CHID1: variants seen among roughly 807,000 people sequenced by gnomAD.
The protein encoded by CHID1 is chitinase domain containing 1.
Under a neutral mutation model 55.4 loss-of-function variants are expected in CHID1, and 44 were observed. The ratio of observed to expected loss-of-function variants is 0.79; its 90% confidence interval spans 0.62 to 1.02. CHID1 has a LOEUF of 1.02. Among genes scored for constraint, CHID1 ranks in the 50% least tolerant of loss-of-function variants. CHID1 has a pLI of 0.00. For synonymous variants in CHID1, 216 were observed against 212.9 expected (o/e 1.01, Z -0.13); for missense variants, 491 against 515.3 (o/e 0.95, Z 0.46).
In CHID1 at chr11:869,735, C is replaced by T; in HGVS notation, c.*123G>A. 1.2e-6 allele frequency: 1 copy of T among 836,556 alleles called. No individual in the cohort carries two copies. Among genetic ancestry groups the T allele is most frequent in the South Asian group, 1.5e-5 (1 of 65,070 alleles). 51.8% of individuals were successfully genotyped at this position (836,556 alleles called of 1,614,324 possible). A position where few individuals can be genotyped will look rare whatever the true frequency, so the allele number is the denominator to read the frequency against. On this transcript the variant is annotated 3_prime_UTR_variant, in exon 13 of 13. Coordinates refer to ENST00000323578, the MANE Select transcript of CHID1 (RefSeq NM_023947.4). ...TGGGGAGTCACATGGTGCCCAGGAC[C>T]CCCGACTGAGGACTGCAGCAGACCC...
intron 10 of CHID1, among the ~76,000 whole-genome samples, chr11:882,141 G>A (rs1055835548): frequency 2.9e-4 from 44 of 152,232 alleles, no homozygotes; most frequent in Middle Eastern, 3.4e-3. Context: ...CCTGGCTAAT[G>A]CGGTGAAATC....
intron 8 of CHID1, among the ~76,000 whole-genome samples, chr11:892,865 G>A (rs890661013): frequency 1.3e-5 from 2 of 152,212 alleles, no homozygotes; most frequent in South Asian, 2.1e-4. Flanking sequence ...GGGCATGGCC[G>A]GCCTGTGCTG....
At position 883,161 on chromosome 11, in the gene CHID1, C is replaced by G. The variant is rs770419040; in HGVS notation, c.946G>C (p.Val316Leu). The change falls in exon 10 of 13, where the codon GTT becomes CTT. Residue 316 changes from valine to leucine, a missense_variant. Coordinates refer to ENST00000323578, the MANE Select transcript of CHID1 (RefSeq NM_023947.4). ...CCCTTGGCTCACCTGGCCCCGACAA[C>G]AGGCTCACGGGCATCCTTGGAGGTC... is the stretch of plus-strand genomic sequence containing the variant. ...YATSKDAREP[V>L]VGARYIQTLK... 1.9e-6 allele frequency: 3 copies of G among 1,611,342 alleles called. No homozygotes were observed. The highest frequency in any genetic ancestry group is 2.5e-6 in the Non-Finnish European group (3 of 1,177,724).
At position 903,000 on chromosome 11, in the gene CHID1, T is replaced by C. The variant is rs767819599; in HGVS notation, c.223A>G (p.Arg75Gly). Residue 75 changes from arginine to glycine, a missense_variant, in exon 3 of 13, where the codon AGA becomes GGA. Physicochemically the swap from Arg to Gly is moderately radical, Grantham distance 125. Coordinates refer to ENST00000323578, the MANE Select transcript of CHID1 (RefSeq NM_023947.4). Reference protein sequence around the residue: ...RSYCSAKARDRHFAGDVLGYV... With the variant: ...RSYCSAKARDGHFAGDVLGYV... Reference sequence around the variant, plus strand: ...CCCAGTACATCCCCAGCAAAGTGTCTGTCCCGGGCCTTTGCCGAGCAGTAG... The same window carrying C: ...CCCAGTACATCCCCAGCAAAGTGTCCGTCCCGGGCCTTTGCCGAGCAGTAG... The C allele has an allele frequency of 4.3e-6, 7 of 1,614,026 alleles. No homozygotes were observed. The highest frequency in any genetic ancestry group is 5.1e-6 in the Non-Finnish European group (6 of 1,180,006).
chr11:914,126 T>G (rs1424291314), upstream of CHID1, among the ~76,000 whole-genome samples: 1 of 151,272 alleles, frequency 6.6e-6, no homozygotes, highest in Non-Finnish European at 1.5e-5. Flanking sequence ...TAATAGGGGG[T>G]TTGTAAAATT....
chr11:911,169 G>T, upstream of CHID1: 1 of 152,078 alleles, frequency 6.6e-6, no homozygotes. Context: ...CGGCGGTGCC[G>T]GGAGAACCGC....
At chr11:892,117 A>C (rs543135755) in intron 8 of CHID1, among the ~76,000 whole-genome samples, 1 of 152,276 alleles carries the variant, frequency 6.6e-6, no homozygotes, top group African/African-American at 2.4e-5. Context: ...TCTATCTCAA[A>C]AAAAAAGAAA....
At chr11:910,681 G>GGCCGAGCCTCGCTGCCCGGC in intron 1 of CHID1, 94 bp downstream of exon 1, 1 of 1,267,010 alleles carries the variant, frequency 7.9e-7, no homozygotes, top group East Asian at 6.9e-5. Context: ...GTCCTCCCGG[G>GGCCGAGCCTCGCTGCCCGGC]GCCGAGCCTC....
chr11:870,750 A>G, intron 10 of CHID1: 1 of 465,678 alleles, frequency 2.1e-6, no homozygotes, highest in East Asian at 3.7e-5. Context: ...AAGTCCTTTC[A>G]GTGGCCTGGA....
At chr11:881,781 C>T (rs1849953296) in intron 10 of CHID1, among the ~76,000 whole-genome samples, 2 of 151,402 alleles carry the variant, frequency 1.3e-5, no homozygotes, top group South Asian at 4.2e-4. Context: ...GCAGGAGGAT[C>T]GCTTGAGCCT....
intron 7 of CHID1, among the ~76,000 whole-genome samples, chr11:893,943 G>A (rs931072708): frequency 2.6e-5 from 4 of 151,594 alleles, no homozygotes; most frequent in Admixed American, 6.6e-5. Context: ...CCAACATGGC[G>A]AAACCCCGCC....
intron 3 of CHID1, 117 bp from the exon 4 acceptor site, chr11:902,447 C>T: frequency 8.8e-7 from 1 of 1,139,192 alleles, no homozygotes; most frequent in Non-Finnish European, 1.3e-6. Context: ...AGACAGATAC[C>T]AGCCCGGACT....
intron 1 of CHID1, among the ~76,000 whole-genome samples, chr11:906,193 C>A (rs528879240): frequency 9.2e-5 from 14 of 152,044 alleles, no homozygotes; most frequent in Admixed American, 1.3e-4. Context: ...CTCGGCCCCC[C>A]CAAAGTGCTG....
intron 8 of CHID1, among the ~76,000 whole-genome samples, chr11:892,116 A>T (rs898636490): frequency 7.9e-5 from 12 of 152,010 alleles, no homozygotes; most frequent in African/African-American, 2.6e-4. Flanking sequence ...CTCTATCTCA[A>T]AAAAAAAGAA....
chr11:898,356 G>A (rs911288295), intron 7 of CHID1, among the ~76,000 whole-genome samples: 4 of 152,210 alleles, frequency 2.6e-5, no homozygotes, highest in Non-Finnish European at 5.9e-5. Flanking sequence ...CAGGTGGTGG[G>A]GGCGGGGGAG....
chr11:900,228 T>A, intron 5 of CHID1, 118 bp from the exon 6 acceptor site: 1 of 756,034 alleles, frequency 1.3e-6, no homozygotes, highest in Non-Finnish European at 2.2e-6. Context: ...GACCAGACAG[T>A]GAGGGGCAGG....
At chr11:914,140 C>G (rs1298209329), upstream of CHID1, among the ~76,000 whole-genome samples, 2 of 151,748 alleles carry the variant, frequency 1.3e-5, no homozygotes, top group Non-Finnish European at 2.9e-5. Context: ...TAAAATTGAA[C>G]TTAACAGGTT....
intron 10 of CHID1, among the ~76,000 whole-genome samples, chr11:881,310 G>A (rs1310798067): frequency 2.0e-5 from 3 of 152,042 alleles, no homozygotes; most frequent in South Asian, 2.1e-4. Flanking sequence ...ATTACAACAC[G>A]AGGTGACAAA....
rs544350614 is a variant in CHID1 at position 890,721 on chromosome 11, G to T, written c.701+2706C>A. 4.6e-5 allele frequency among the ~76,000 whole-genome samples: 7 copies of T among 152,330 alleles called. No homozygotes were observed. In the East Asian group the frequency reaches 1.2e-3, roughly 25 times the overall value. On this transcript the variant is annotated intron_variant, in intron 8 of 12. Transcript: ENST00000323578. The stretch of plus-strand genomic sequence containing the variant: ...CACTGGCCTGTGGGGTTTACGCTGT[G>T]GCTTTGCCCCTGGGTCTCCTCCATT...
Sources: gnomAD v4.1 joint callset for allele counts (sites outside exome capture counted in the v4.1 genomes callset) on GRCh38, gnomAD v4.1.1 for gene constraint, MANE v1.5 for transcripts, NCBI Gene and HGNC (gene_info 2026-07-23, HGNC 2026-07-21) for gene names.